Variants in ZRANB1 observed in about 807,000 individuals in gnomAD.
The protein encoded by ZRANB1 is ubiquitin thioesterase ZRANB1.
A neutral mutation model predicts 80.5 loss-of-function variants in ZRANB1; 16 were observed. The observed-to-expected ratio is 0.20, with a 90% CI of 0.13 to 0.30. ZRANB1 has a LOEUF of 0.30. Ranked by LOEUF, ZRANB1 falls within the 10% of genes least tolerant of loss-of-function variation. ZRANB1 has a pLI of 1.00. For missense variants in ZRANB1, 576 were observed against 862.6 expected (o/e 0.67, Z 4.16); for synonymous variants, 291 against 293.1 (o/e 0.99, Z 0.07).
chr10:124,965,991 A>T (rs114932858), intron 1 of ZRANB1, among the ~76,000 whole-genome samples: 406 of 152,296 alleles, frequency 2.7e-3, no homozygotes, highest in African/African-American at 9.2e-3. Context: ...TCCAATTTTT[A>T]CGTTATTAAT....
the ZRANB1 span, among the ~76,000 whole-genome samples, chr10:124,923,342 C>T: frequency 1.8e-4 from 27 of 150,284 alleles, 2 homozygotes; most frequent in African/African-American, 6.8e-4. Context: ...ACCTGTAATC[C>T]CAGCACTTTG....
chr10:124,933,215 C>T, the ZRANB1 span, among the ~76,000 whole-genome samples: 1 of 85,228 alleles, frequency 1.2e-5, no homozygotes, highest in Non-Finnish European at 2.8e-5. Flanking sequence ...CGGCTCACTG[C>T]AACGTCCACC....
intron 1 of ZRANB1, among the ~76,000 whole-genome samples, chr10:124,947,108 A>G (rs1158254210): frequency 6.6e-6 from 1 of 152,214 alleles, no homozygotes; most frequent in African/African-American, 2.4e-5. Flanking sequence ...ACATATTGAC[A>G]TAGCTGTTGG....
In ZRANB1 at chr10:124,945,521, T is replaced by C. The variant is rs1589840129; in HGVS notation, c.814+2214T>C. 3 of 151,644 alleles carry C rather than the reference T, an allele frequency of 2.0e-5. No individual in the cohort carries two copies. The East Asian group carries it at 5.8e-4, about 29-fold the overall frequency. 9.4% of individuals were successfully genotyped at this position (151,644 alleles called of 1,614,324 possible). On this transcript the variant is annotated intron_variant, in intron 1 of 8. Transcript: ENST00000359653. Reference sequence around the variant, plus strand: ...ATAGATGAAAATGAACTAGACTTCATTGTGACGGTTCTTAACCTCACAGTG... The same window carrying C: ...ATAGATGAAAATGAACTAGACTTCACTGTGACGGTTCTTAACCTCACAGTG...
At chr10:124,977,514 A>G (rs1439521846) in intron 5 of ZRANB1, among the ~76,000 whole-genome samples, 1 of 151,796 alleles carries the variant, frequency 6.6e-6, no homozygotes, top group Non-Finnish European at 1.5e-5. Context: ...GTTCAAGACA[A>G]GCCTTGGCAA....
rs998992486 is a variant in ZRANB1, at chr10:124,983,819, G to A, written c.1908+131G>A. On this transcript the variant is annotated intron_variant, in intron 8 of 8. Transcript: ENST00000359653. The surrounding 1 kb of genome is among the most constrained non-coding windows in gnomAD (Gnocchi z 6.2). ...AATGTGATGGTAGTAATTGCTGAAGGTACTAGCTATACTTTGAAATTTACC... is the reference window on the plus strand; with the variant it reads ...AATGTGATGGTAGTAATTGCTGAAGATACTAGCTATACTTTGAAATTTACC... 7.3e-6 allele frequency: 5 copies of A among 684,270 alleles called. No homozygotes were observed. The highest frequency in any genetic ancestry group is 7.2e-5 in the African/African-American group (4 of 55,472). The allele number at this position is 684,270 out of a possible 1,614,324, so 42.4% of individuals were successfully genotyped here. A position where few individuals can be genotyped will look rare whatever the true frequency, so the allele number is the denominator to read the frequency against.
At chr10:124,939,434 C>G (rs1318161350), upstream of ZRANB1, among the ~76,000 whole-genome samples, 1 of 151,984 alleles carries the variant, frequency 6.6e-6, no homozygotes, top group Non-Finnish European at 1.5e-5. Flanking sequence ...AGCTGTCTGT[C>G]CATTATTTTA....
At chr10:124,962,335 G>A (rs1371488919) in intron 1 of ZRANB1, 1 of 983,148 alleles carries the variant, frequency 1.0e-6, no homozygotes, top group Admixed American at 6.1e-5. Flanking sequence ...TGACCCCACA[G>A]CATAAACCAT....
At chr10:124,922,324 ATGTATATATATAT>A in the ZRANB1 span, among the ~76,000 whole-genome samples, 111 of 37,934 alleles carry the variant, frequency 2.9e-3, 3 homozygotes, top group African/African-American at 5.5e-3. Flanking sequence ...TGTAAAATAT[ATGTATATATATAT>A]TTTTTTTTTA....
Position 124,974,312 on chromosome 10 carries a change from A to C in ZRANB1, c.1341A>C (p.Ser447=), listed in dbSNP as rs779575523. The C allele has an allele frequency of 3.1e-6, 5 of 1,614,148 alleles. No individual in the cohort carries two copies. The highest frequency in any genetic ancestry group is 1.7e-5 in the Admixed American group (1 of 60,016). Residue 447 remains serine, a synonymous_variant, in exon 5 of 9, where the codon TCA becomes TCC. Transcript: ENST00000359653. The part of the protein sequence containing the change: ...NRTAGDCLLD[S]VLQATWGIYD... ...CTGCAGGAGACTGCCTACTTGATTC[A>C]GTTCTACAAGCTACCTGGGGCATCT...
chr10:124,986,569 T>A lies in ZRANB1; in HGVS notation c.*1577T>A, dbSNP rs894290628. The A allele has an allele frequency of 1.3e-5, 2 of 152,114 alleles. No homozygotes were observed. Among genetic ancestry groups the A allele is most frequent in the Admixed American group, 6.5e-5 (1 of 15,270 alleles). 9.4% of individuals were successfully genotyped at this position (152,114 alleles called of 1,614,324 possible). A position where few individuals can be genotyped will look rare whatever the true frequency, so the allele number is the denominator to read the frequency against. ...TGCTAAATCTTGCAGGAAAAATGATTTTTTAGTACGATTCTGTAGAAATGA... is the reference window on the plus strand; with the variant it reads ...TGCTAAATCTTGCAGGAAAAATGATATTTTAGTACGATTCTGTAGAAATGA... On this transcript the variant is annotated 3_prime_UTR_variant, in exon 9 of 9. Coordinates refer to ENST00000359653, the MANE Select transcript of ZRANB1 (RefSeq NM_017580.3).
intron 2 of ZRANB1, among the ~76,000 whole-genome samples, chr10:124,968,544 T>C (rs986168574): frequency 6.6e-6 from 1 of 152,100 alleles, no homozygotes; most frequent in Non-Finnish European, 1.5e-5. Context: ...GGATCCAGGT[T>C]TTGGAACATG....
chr10:124,978,288 C>T (rs1279327785), intron 5 of ZRANB1, among the ~76,000 whole-genome samples: 2 of 152,036 alleles, frequency 1.3e-5, no homozygotes, highest in Non-Finnish European at 2.9e-5. Context: ...TGTGTAGTCT[C>T]CTTTTAAAGA....
chr10:124,986,925 G>A lies in ZRANB1; in HGVS notation c.*1933G>A. Reference sequence around the variant, plus strand: ...ACGCTCAGCACTTAGCTTCTACTGTGTGTTGTGGTCTGGTGAGTGTTGTTT... The same window carrying A: ...ACGCTCAGCACTTAGCTTCTACTGTATGTTGTGGTCTGGTGAGTGTTGTTT... On this transcript the variant is annotated 3_prime_UTR_variant, in exon 9 of 9. Transcript: ENST00000359653. 1 of 152,540 alleles carries A rather than the reference G, an allele frequency of 6.6e-6. No individual in the cohort carries two copies. The highest frequency in any genetic ancestry group is 1.9e-4 in the East Asian group (1 of 5,178). The allele number at this position is 152,540 out of a possible 1,614,324, so 9.4% of individuals were successfully genotyped here.
intron 6 of ZRANB1, 60 bp downstream of exon 6, chr10:124,981,889 G>C: frequency 1.3e-6 from 2 of 1,593,630 alleles, no homozygotes; most frequent in Non-Finnish European, 1.7e-6. Context: ...GTCTAAACTG[G>C]TTTATTTGAG....
the ZRANB1 span, among the ~76,000 whole-genome samples, chr10:124,919,181 T>C: frequency 6.6e-6 from 1 of 152,220 alleles, no homozygotes; most frequent in Non-Finnish European, 1.5e-5. Context: ...TTGCTTCATA[T>C]GTGTAATTGA....
chr10:124,985,061 C>G lies in ZRANB1; in HGVS notation c.*69C>G, dbSNP rs887694348. On this transcript the variant is annotated 3_prime_UTR_variant, in exon 9 of 9. Transcript: ENST00000359653. ...ATGACCCTAAAGTTAGTGTGGTGCTCCAAGCAGAGTCGACATCATGGAATG... is the reference window on the plus strand; with the variant it reads ...ATGACCCTAAAGTTAGTGTGGTGCTGCAAGCAGAGTCGACATCATGGAATG... 23 of 1,268,728 alleles carry G rather than the reference C, an allele frequency of 1.8e-5. No homozygotes were observed. The highest frequency in any genetic ancestry group is 8.4e-5 in the Admixed American group (4 of 47,542). The allele number at this position is 1,268,728 out of a possible 1,614,324, so 78.6% of individuals were successfully genotyped here.
chr10:124,984,405 C>A, intron 8 of ZRANB1: 1 of 185,498 alleles, frequency 5.4e-6, no homozygotes, highest in Non-Finnish European at 1.1e-5. Context: ...GTTCATAGAC[C>A]GTAACTTGTA....
chr10:124,919,812 C>T, the ZRANB1 span, among the ~76,000 whole-genome samples: 6 of 150,290 alleles, frequency 4.0e-5, no homozygotes, highest in Non-Finnish European at 3.0e-5. Flanking sequence ...GGAGTTTCAC[C>T]GTGTTAGCCA....
Sources: allele counts gnomAD v4.1 joint callset (sites outside exome capture counted in the v4.1 genomes callset), GRCh38; gene constraint gnomAD v4.1.1; non-coding constraint Gnocchi (gnomAD v3.1); transcripts MANE v1.5; gene names NCBI Gene and HGNC (gene_info 2026-07-23, HGNC 2026-07-21).